RALYL: variants seen among roughly 807,000 people sequenced by gnomAD.
The protein encoded by RALYL is RALY RNA binding protein like, also known as RNA-binding Raly-like protein.
A neutral mutation model predicts 35.1 loss-of-function variants in RALYL; 29 were observed. The observed-to-expected ratio is 0.83, with a 90% CI of 0.61 to 1.13. The LOEUF (loss-of-function observed/expected upper bound fraction) is 1.13, where lower values mean the gene tolerates loss of function less well. Ranked by LOEUF, RALYL falls within the 50% of genes most tolerant of loss-of-function variation. RALYL has a pLI of 0.00. For synonymous variants in RALYL, 120 were observed against 127.6 expected (o/e 0.94, Z 0.40); for missense variants, 359 against 360.4 (o/e 1.00, Z 0.03).
intron 2 of RALYL, among the ~76,000 whole-genome samples, chr8:84,670,756 C>G (rs1413094341): frequency 6.6e-6 from 1 of 152,126 alleles, no homozygotes; most frequent in Non-Finnish European, 1.5e-5. Context: ...CCACCAGGTC[C>G]TTCTGAAGAC....
chr8:84,407,029 T>C (rs1354055629), intron 1 of RALYL, among the ~76,000 whole-genome samples: 110 of 148,516 alleles, frequency 7.4e-4, no homozygotes, highest in African/African-American at 2.6e-3. Flanking sequence ...TATATATATA[T>C]ATATATACAC....
At chr8:84,223,905 G>A (rs1823158648) in intron 1 of RALYL, among the ~76,000 whole-genome samples, 1 of 152,146 alleles carries the variant, frequency 6.6e-6, no homozygotes, top group Non-Finnish European at 1.5e-5. Context: ...TAGAAGTTGA[G>A]ATGAAAAGGA....
chr8:84,263,392 T>C (rs992875888), intron 1 of RALYL, among the ~76,000 whole-genome samples: 1 of 152,134 alleles, frequency 6.6e-6, no homozygotes, highest in African/African-American at 2.4e-5. Context: ...CATTAAAAAA[T>C]AGCAAGTTTC....
At chr8:84,206,799 G>A (rs1647108309) in intron 1 of RALYL, among the ~76,000 whole-genome samples, 1 of 152,166 alleles carries the variant, frequency 6.6e-6, no homozygotes, top group Non-Finnish European at 1.5e-5. Context: ...CACCAGTGAG[G>A]AAGTTGAAAG....
chr8:84,589,001 G>A (rs529058222), intron 2 of RALYL, among the ~76,000 whole-genome samples: 1 of 152,156 alleles, frequency 6.6e-6, no homozygotes, highest in East Asian at 1.9e-4. Context: ...GGGTTCTAGC[G>A]ATTCTCCTGC....
At chr8:84,615,702 G>A (rs915020919) in intron 2 of RALYL, among the ~76,000 whole-genome samples, 6 of 132,276 alleles carry the variant, frequency 4.5e-5, no homozygotes, top group Non-Finnish European at 7.8e-5. Flanking sequence ...CCACTAACTC[G>A]TCATCTAGCA....
rs142325106 is a variant in RALYL at position 84,586,563 on chromosome 8, C to T, written c.256+56986C>T. ...TCATCTATTAAGGATGTATAATAAA[C>T]CTACAATTTGAGTGACTGATACTTA... On this transcript the variant is annotated intron_variant, in intron 2 of 8. Coordinates refer to ENST00000521268, the MANE Select transcript of RALYL (RefSeq NM_173848.7). 1.5e-3 allele frequency among the ~76,000 whole-genome samples: 234 copies of T among 152,164 alleles called. 1 individual carries two copies. Among genetic ancestry groups the T allele is most frequent in the African/African-American group, 5.6e-3 (233 of 41,526 alleles).
chr8:84,700,607 A>G (rs762861220), intron 2 of RALYL, among the ~76,000 whole-genome samples: 1 of 152,242 alleles, frequency 6.6e-6, no homozygotes, highest in Non-Finnish European at 1.5e-5. Context: ...ACCAAACTTA[A>G]GAAAGTCTTT....
chr8:84,219,986 C>G (rs112110591), intron 1 of RALYL, among the ~76,000 whole-genome samples: 2 of 151,980 alleles, frequency 1.3e-5, no homozygotes, highest in African/African-American at 4.8e-5. Context: ...CATCACAACA[C>G]TAACAGTTTG....
intron 2 of RALYL, among the ~76,000 whole-genome samples, chr8:84,681,388 A>G (rs1362770635): frequency 1.3e-5 from 2 of 152,190 alleles, no homozygotes; most frequent in African/African-American, 2.4e-5. Context: ...TCTGTGAAGA[A>G]AGTTATTGGT....
intron 1 of RALYL, among the ~76,000 whole-genome samples, chr8:84,517,718 C>T (rs1047071310): frequency 4.6e-5 from 7 of 152,130 alleles, no homozygotes; most frequent in African/African-American, 1.2e-4. Context: ...TACCTGAAAA[C>T]ATTTCCACTG....
At chr8:84,335,716 T>TTTTTTG (rs1359997978) in intron 1 of RALYL, among the ~76,000 whole-genome samples, 16 of 142,872 alleles carry the variant, frequency 1.1e-4, no homozygotes, top group African/African-American at 4.1e-4. Flanking sequence ...TACCTTTTTT[T>TTTTTTG]TTTTTTTTTT....
intron 1 of RALYL, among the ~76,000 whole-genome samples, chr8:84,485,080 CG>C (rs2054467582): frequency 6.6e-6 from 1 of 152,090 alleles, no homozygotes; most frequent in Non-Finnish European, 1.5e-5. Flanking sequence ...TCTTGAGCAT[CG>C]TTGTAGCTTT....
chr8:84,546,048 T>TA (rs1284598693), intron 2 of RALYL, among the ~76,000 whole-genome samples: 1 of 152,132 alleles, frequency 6.6e-6, no homozygotes, highest in African/African-American at 2.4e-5. Flanking sequence ...GGACTGAGTT[T>TA]ATGTGTGTGT....
intron 3 of RALYL, among the ~76,000 whole-genome samples, chr8:84,778,047 C>A (rs1380591954): frequency 6.6e-6 from 1 of 152,092 alleles, no homozygotes; most frequent in East Asian, 1.9e-4. Context: ...CTACTATGGT[C>A]TAGGGACTGT....
In RALYL at chr8:84,892,701, T is replaced by TA. The variant is rs763069223; in HGVS notation, c.858+4935dup. ...ATGTACCCTAAAACTTAAAGTATAA[T>TA]AAAAAAAAAACCAGACAGATGACTG... is the stretch of plus-strand genomic sequence containing the variant. On this transcript the variant is annotated intron_variant, in intron 8 of 8. Coordinates refer to ENST00000521268, the MANE Select transcript of RALYL (RefSeq NM_173848.7). 7.3e-3 allele frequency among the ~76,000 whole-genome samples: 1,008 copies of TA among 137,340 alleles called. 9 individuals carry two copies. The highest frequency in any genetic ancestry group is 0.025 in the African/African-American group (907 of 36,970). 90.1% of individuals were successfully genotyped at this position (137,340 alleles called of 152,430 possible).
chr8:84,651,959 C>A (rs553390107), intron 2 of RALYL, among the ~76,000 whole-genome samples: 1 of 152,072 alleles, frequency 6.6e-6, no homozygotes, highest in South Asian at 2.1e-4. Context: ...CAAGTCTTTG[C>A]ATAGTAAAGA....
At chr8:84,705,850 T>G (rs1841109351) in intron 2 of RALYL, 1 of 1,302,398 alleles carries the variant, frequency 7.7e-7, no homozygotes, top group Non-Finnish European at 1.0e-6. Flanking sequence ...AGTTACAGGC[T>G]GTAGCATCTC....
chr8:84,521,746 T>C (rs1483103240), intron 1 of RALYL, among the ~76,000 whole-genome samples: 1 of 152,206 alleles, frequency 6.6e-6, no homozygotes, highest in East Asian at 1.9e-4. Context: ...CTTACCAATA[T>C]CCATTGATTT....
Sources: gnomAD v4.1 joint callset for allele counts (sites outside exome capture counted in the v4.1 genomes callset) on GRCh38, gnomAD v4.1.1 for gene constraint, MANE v1.5 for transcripts, NCBI Gene and HGNC (gene_info 2026-07-23, HGNC 2026-07-21) for gene names.